Variants in ARID1A observed in about 807,000 individuals in gnomAD.
ARID1A encodes the protein AT-rich interaction domain 1A, also known as AT-rich interactive domain-containing protein 1A.
In ARID1A, 20 loss-of-function variants were observed where a neutral mutation model predicts 212.6. The observed-to-expected ratio is 0.09, with a 90% CI of 0.07 to 0.14. ARID1A has a LOEUF of 0.14. ARID1A is among the 10% of genes least tolerant of loss of function. ARID1A has a pLI of 1.00. For missense variants in ARID1A, 2,587 were observed against 3,059.0 expected, an observed-to-expected ratio of 0.85 and a Z score of 3.64; for synonymous variants, 1,376 against 1,222.1, an observed-to-expected ratio of 1.13 and a Z score of -2.63.
chr1:26,768,139 C>T (rs1482043466), intron 11 of ARID1A, 140 bp downstream of exon 11: 23 of 964,750 alleles, frequency 2.4e-5, no homozygotes, highest in Middle Eastern at 3.3e-4. Flanking sequence ...ATTGATAGAC[C>T]GGGGAGCACA....
At chr1:26,752,281 C>G (rs967909519) in intron 4 of ARID1A, among the ~76,000 whole-genome samples, 2 of 152,230 alleles carry the variant, frequency 1.3e-5, no homozygotes, top group Non-Finnish European at 1.5e-5. Flanking sequence ...AGCCTGCTCT[C>G]TATGCATAGG....
rs545229660 is a variant in ARID1A, at chr1:26,756,101, T to A, written c.1921-4755T>A. ...TGTTTTTGTTTTTTTTTCTTAGCGC[T>A]TCAGTACATGTCCAAAGATACACAC... On this transcript the variant is annotated intron_variant, in intron 4 of 19. Transcript: ENST00000324856. Among the ~76,000 whole-genome samples the A allele has an allele frequency of 5.3e-5, 8 of 151,784 alleles. No homozygotes were observed. The South Asian group carries it at 1.7e-3, about 32-fold the overall frequency.
At chr1:26,759,933 C>T (rs750177655) in intron 4 of ARID1A, among the ~76,000 whole-genome samples, 1 of 152,202 alleles carries the variant, frequency 6.6e-6, no homozygotes, top group African/African-American at 2.4e-5. Context: ...TTACCTCCTA[C>T]CCCTTATGTT....
At chr1:26,735,863 A>G (rs2080724135) in intron 4 of ARID1A, among the ~76,000 whole-genome samples, 1 of 152,040 alleles carries the variant, frequency 6.6e-6, no homozygotes, top group Non-Finnish European at 1.5e-5. Flanking sequence ...ACCTTTGCAC[A>G]CACCCTTCCC....
Position 26,779,650 on chromosome 1 carries a change from C to A in ARID1A, c.5752C>A (p.Arg1918=), listed in dbSNP as rs753204682. 3.1e-6 allele frequency: 5 copies of A among 1,614,062 alleles called. No individual in the cohort carries two copies. The highest frequency in any genetic ancestry group is 4.2e-6 in the Non-Finnish European group (5 of 1,180,012). Residue 1918 remains arginine (R), a synonymous_variant, in exon 20 of 20, where the codon CGG becomes AGG. Coordinates refer to ENST00000324856, the MANE Select transcript of ARID1A (RefSeq NM_006015.6). ...CACTATGGATGACATGTTGTCTACT[C>A]GGTCTAGCACCTTGACCGAGGATGG... The part of the protein sequence containing the change: ...TATMDDMLST[R]SSTLTEDGAK...
chr1:26,734,645 C>T (rs1311852005), intron 4 of ARID1A, among the ~76,000 whole-genome samples: 1 of 152,170 alleles, frequency 6.6e-6, no homozygotes, highest in Non-Finnish European at 1.5e-5. Flanking sequence ...CTTTTTATCC[C>T]TTTGCTACTT....
chr1:26,699,775 T>C (rs2080314574), intron 1 of ARID1A, among the ~76,000 whole-genome samples: 1 of 152,262 alleles, frequency 6.6e-6, no homozygotes, highest in East Asian at 1.9e-4. Context: ...TCATTTGGGG[T>C]AGTAAGTCAG....
At position 26,780,685 on chromosome 1, in the gene ARID1A, G is replaced by T; in HGVS notation, c.6787G>T (p.Val2263Leu). The change falls in exon 20 of 20, where the codon GTA (valine) becomes TTA (leucine). Residue 2263 changes from valine (V) to leucine (L), a missense_variant. Around this residue, in one of 11 missense-constraint regions of ARID1A, gnomAD observed 27 missense variants for 28.4 expected, o/e 0.95. Coordinates refer to ENST00000324856, the MANE Select transcript of ARID1A (RefSeq NM_006015.6). The surrounding 1 kb of genome is among the most constrained non-coding windows in gnomAD (Gnocchi z 7.2). ...LYESRLLDIS[V>L]SPLMNSLVSQ... is the part of the protein sequence containing the mutation. ...CGAATCACGGCTGTTGGACATCTCG[G>T]TATCACCGTTGATGAACTCATTGGT... The T allele has an allele frequency of 6.2e-7, 1 of 1,602,986 alleles. No individual in the cohort carries two copies.
At chr1:26,722,291 G>C (rs1194971171) in intron 1 of ARID1A, among the ~76,000 whole-genome samples, 1 of 152,142 alleles carries the variant, frequency 6.6e-6, no homozygotes, top group Non-Finnish European at 1.5e-5. Flanking sequence ...TGTCACCCAG[G>C]CTGGAGTGCA....
rs1187074605 is a variant in ARID1A at position 26,762,298 on chromosome 1, G to C, written c.2398G>C (p.Gly800Arg). 26 of 1,614,142 alleles carry C rather than the reference G, an allele frequency of 1.6e-5. No individual in the cohort carries two copies. The highest frequency in any genetic ancestry group is 2.2e-5 in the Non-Finnish European group (26 of 1,180,014). ...QNSMGSYGPQ[G>R]GQYGPQGGYP... ...CTCCATGGGGAGCTATGGTCCCCAG[G>C]GGGGTCAGTATGGCCCACAAGGTCA... The change falls in exon 7 of 20, where the codon GGG (glycine) becomes CGG (arginine). Residue 800 changes from glycine (G) to arginine (R), a missense_variant. Gly to Arg is a moderately radical substitution (Grantham distance 125). Coordinates refer to ENST00000324856, the MANE Select transcript of ARID1A (RefSeq NM_006015.6).
chr1:26,750,074 C>G (rs1035476455), intron 4 of ARID1A, among the ~76,000 whole-genome samples: 17 of 152,178 alleles, frequency 1.1e-4, no homozygotes, highest in Admixed American at 9.2e-4. Flanking sequence ...GTCCCACAGG[C>G]TAGTGGAGAA....
chr1:26,708,685 A>G (rs1390996527), intron 1 of ARID1A, among the ~76,000 whole-genome samples: 2 of 150,686 alleles, frequency 1.3e-5, no homozygotes, highest in African/African-American at 4.9e-5. Flanking sequence ...CTGAAGAGGC[A>G]GGGATTATTG....
chr1:26,780,748 C>A lies in ARID1A; in HGVS notation c.6850C>A (p.Gln2284Lys), dbSNP rs2124153679. 6.4e-7 allele frequency: 1 copy of A among 1,561,242 alleles called. No homozygotes were observed. Among genetic ancestry groups the A allele is most frequent in the Non-Finnish European group, 8.7e-7 (1 of 1,153,516 alleles). ...VICDVLFLIG[Q>K]S ...TTGTGATGTACTGTTTTTGATTGGCCAGTCATGACAGCCGTGGGACACCTC... is the reference window on the plus strand; with the variant it reads ...TTGTGATGTACTGTTTTTGATTGGCAAGTCATGACAGCCGTGGGACACCTC... Residue 2284 changes from glutamine (Q) to lysine (K), a missense_variant, in exon 20 of 20, where the codon CAG becomes AAG. By Grantham distance (53) the Gln-to-Lys change is moderately conservative (BLOSUM62 1). Around this residue, in one of 11 missense-constraint regions of ARID1A, gnomAD observed 27 missense variants for 28.4 expected, o/e 0.95. Transcript: ENST00000324856. The surrounding 1 kb of genome is among the most constrained non-coding windows in gnomAD (Gnocchi z 7.2).
chr1:26,700,013 C>A (rs2080317318), intron 1 of ARID1A, among the ~76,000 whole-genome samples: 1 of 152,122 alleles, frequency 6.6e-6, no homozygotes, highest in Non-Finnish European at 1.5e-5. Flanking sequence ...TATCACTAGA[C>A]CCACACAACA....
Position 26,696,773 on chromosome 1 carries a change from G to C in ARID1A, c.370G>C (p.Gly124Arg), listed in dbSNP as rs2124741555. The C allele has an allele frequency of 7.5e-7, 1 of 1,341,780 alleles. No homozygotes were observed. Among genetic ancestry groups the C allele is most frequent in the South Asian group, 2.0e-5 (1 of 48,868 alleles). The allele number at this position is 1,341,780 out of a possible 1,614,324, so 83.1% of individuals were successfully genotyped here. A position where few individuals can be genotyped will look rare whatever the true frequency, so the allele number is the denominator to read the frequency against. ...NNNLTEPPGG[G>R]GGGSSDGVGA... The stretch of plus-strand genomic sequence containing the variant: ...TAACCTCACGGAGCCGCCCGGCGGC[G>C]GCGGTGGCGGCAGCAGCGATGGGGT... The change falls in exon 1 of 20, where the codon GGC (glycine) becomes CGC (arginine). Residue 124 changes from glycine to arginine, a missense_variant. By Grantham distance (125) the Gly-to-Arg change is moderately radical (BLOSUM62 -2). This residue lies in a region of ARID1A where 735 missense variants were observed against 590.6 expected (regional missense o/e 1.24). Transcript: ENST00000324856.
intron 18 of ARID1A, 61 bp downstream of exon 18, chr1:26,775,281 C>T (rs2124124793): frequency 5.9e-6 from 9 of 1,513,296 alleles, no homozygotes; most frequent in Non-Finnish European, 7.9e-6. Context: ...TCCATTGTTC[C>T]CTCCACCTTA....
intron 4 of ARID1A, among the ~76,000 whole-genome samples, chr1:26,752,031 A>G (rs1411543598): frequency 6.6e-6 from 1 of 152,236 alleles, no homozygotes; most frequent in Non-Finnish European, 1.5e-5. Flanking sequence ...GGGGGCAAGT[A>G]GGAAACACAT....
Position 26,781,456 on chromosome 1 carries a change from GGA to G in ARID1A, c.*703_*704del, listed in dbSNP as rs2081194525. 1 of 231,932 alleles carries G rather than the reference GGA, an allele frequency of 4.3e-6. No individual in the cohort carries two copies. The highest frequency in any genetic ancestry group is 8.5e-6 in the Non-Finnish European group (1 of 117,594). The allele number at this position is 231,932 out of a possible 1,614,324, so 14.4% of individuals were successfully genotyped here. A position where few individuals can be genotyped will look rare whatever the true frequency, so the allele number is the denominator to read the frequency against. On this transcript the variant is annotated 3_prime_UTR_variant, in exon 20 of 20. Transcript: ENST00000324856. ...AAAAATGTTTTTAGTTAAACGTTGA[GGA>G]GAAAAAAAAAAAAGGCTTTTCCCCC... is the stretch of plus-strand genomic sequence containing the variant.
In ARID1A at chr1:26,696,619, G is replaced by A. The variant is rs2124740778; in HGVS notation, c.216G>A (p.Glu72=). ...GGCCGCCGCAGCCGCTGGGAAAGGA[G>A]CTGCAGGACGGGGCCGAGAGCAATG... ...AVGPPQPLGK[E]LQDGAESNGG... is the part of the protein sequence containing the mutation. The change falls in exon 1 of 20, where the codon GAG becomes GAA. Residue 72 remains glutamate, a synonymous_variant. Coordinates refer to ENST00000324856, the MANE Select transcript of ARID1A (RefSeq NM_006015.6). 4.8e-6 allele frequency: 6 copies of A among 1,254,934 alleles called. No homozygotes were observed. Among genetic ancestry groups the A allele is most frequent in the South Asian group, 3.3e-5 (1 of 30,266 alleles). 77.7% of individuals were successfully genotyped at this position (1,254,934 alleles called of 1,614,324 possible).
Sources: allele counts gnomAD v4.1 joint callset (sites outside exome capture counted in the v4.1 genomes callset), GRCh38; gene constraint gnomAD v4.1.1; regional missense constraint gnomAD v4.1.1; non-coding constraint Gnocchi (gnomAD v3.1); transcripts MANE v1.5; gene names NCBI Gene and HGNC (gene_info 2026-07-23, HGNC 2026-07-21).